Variants in RANBP17 observed in about 807,000 individuals in gnomAD.
The protein encoded by RANBP17 is RAN binding protein 17, also known as ran-binding protein 17.
In RANBP17, 158 loss-of-function variants were observed where a neutral mutation model predicts 141.2. That is an observed-to-expected ratio of 1.12 (90% CI 0.98 to 1.28). The LOEUF (loss-of-function observed/expected upper bound fraction) is 1.28, where lower values mean the gene tolerates loss of function less well. RANBP17 is among the 50% of genes most tolerant of loss of function. RANBP17 has a pLI of 0.00. For synonymous variants in RANBP17, 430 were observed against 450.0 expected (o/e 0.96, Z 0.56); for missense variants, 1,438 against 1,290.7 (o/e 1.11, Z -1.75).
intron 27 of RANBP17, among the ~76,000 whole-genome samples, chr5:171,298,277 A>G (rs558579794): frequency 3.3e-5 from 5 of 152,306 alleles, no homozygotes; most frequent in African/African-American, 1.2e-4. Context: ...ATTTGAACCC[A>G]GGTAGTCTAA....
At chr5:170,904,174 G>C (rs942848899) in intron 5 of RANBP17, 2 of 321,444 alleles carry the variant, frequency 6.2e-6, no homozygotes, top group Non-Finnish European at 1.2e-5. Flanking sequence ...AATCAAGAAG[G>C]CTAGACCAGC....
intron 14 of RANBP17, among the ~76,000 whole-genome samples, chr5:171,068,133 C>G (rs149206939): frequency 3.0e-3 from 461 of 152,142 alleles, no homozygotes; most frequent in African/African-American, 0.01. Context: ...TTCACTGATT[C>G]TTTCTTCTGG....
intron 14 of RANBP17, among the ~76,000 whole-genome samples, chr5:171,130,431 C>CTTTTTTTTTTTTTTTT (rs72051535): frequency 4.4e-5 from 4 of 90,018 alleles, no homozygotes; most frequent in Non-Finnish European, 7.9e-5. Flanking sequence ...TTTAAAAAGA[C>CTTTTTTTTTTTTTTTT]TTTTTTTTTT....
At chr5:170,977,200 T>G (rs986602313) in intron 14 of RANBP17, among the ~76,000 whole-genome samples, 1 of 151,894 alleles carries the variant, frequency 6.6e-6, no homozygotes, top group Non-Finnish European at 1.5e-5. Flanking sequence ...AACAGACATT[T>G]CTCCAAAGAA....
intron 24 of RANBP17, chr5:171,252,200 A>G: frequency 1.3e-6 from 2 of 1,579,026 alleles, no homozygotes; most frequent in South Asian, 2.3e-5. Flanking sequence ...GAATTCTTAA[A>G]TTACCTACTA....
intron 1 of RANBP17, chr5:170,867,064 C>G (rs549044634): frequency 9.8e-5 from 15 of 152,344 alleles, no homozygotes; most frequent in African/African-American, 2.6e-4. Flanking sequence ...GGTCAAAACT[C>G]TAGTGCTGAT....
At chr5:170,909,513 C>T (rs1771346403) in intron 5 of RANBP17, 148 bp from the exon 6 acceptor site, 1 of 546,686 alleles carries the variant, frequency 1.8e-6, no homozygotes, top group Non-Finnish European at 3.2e-6. Context: ...GGGATCAGTA[C>T]GGGTTGTAGG....
At chr5:171,178,265 T>C (rs976628688) in intron 16 of RANBP17, among the ~76,000 whole-genome samples, 13 of 146,838 alleles carry the variant, frequency 8.9e-5, no homozygotes, top group African/African-American at 2.3e-4. Flanking sequence ...AGTGAGAACA[T>C]GTGGTGTTTG....
In RANBP17 at chr5:170,968,328, A is replaced by G; in HGVS notation, c.1661A>G (p.Asp554Gly). Residue 554 changes from aspartate to glycine, a missense_variant, in exon 14 of 28, where the codon GAT becomes GGT. By Grantham distance (94) the Asp-to-Gly change is moderately conservative. Transcript: ENST00000523189. Reference sequence around the variant, plus strand: ...GAGCTTGCAATTCTGTGGTTCTTGGATCAGTTTCGTAAAACATATGTTGGT... The same window carrying G: ...GAGCTTGCAATTCTGTGGTTCTTGGGTCAGTTTCGTAAAACATATGTTGGT... ...KIELAILWFL[D>G]QFRKTYVGDQ... 6.2e-7 allele frequency: 1 copy of G among 1,609,560 alleles called. No individual in the cohort carries two copies. Among genetic ancestry groups the G allele is most frequent in the South Asian group, 1.1e-5 (1 of 90,226 alleles).
intron 18 of RANBP17, among the ~76,000 whole-genome samples, chr5:171,186,526 CTTTTTTTTTT>C (rs757585137): frequency 3.6e-4 from 15 of 41,666 alleles, no homozygotes; most frequent in East Asian, 2.7e-3. Flanking sequence ...GTATGATTTT[CTTTTTTTTTT>C]TTTTTTTTTT....
intron 14 of RANBP17, among the ~76,000 whole-genome samples, chr5:171,123,460 G>T (rs949184939): frequency 6.6e-6 from 1 of 152,160 alleles, no homozygotes; most frequent in African/African-American, 2.4e-5. Flanking sequence ...AAGTTAGGTG[G>T]TTGCCCTTCC....
At position 170,909,789 on chromosome 5, in the gene RANBP17, TC is replaced by T. The variant is rs753408942; in HGVS notation, c.594+26del. 2.6e-6 allele frequency: 3 copies of T among 1,136,040 alleles called. No homozygotes were observed. The South Asian group carries it at 3.9e-5, about 15-fold the overall frequency. 70.4% of individuals were successfully genotyped at this position (1,136,040 alleles called of 1,614,324 possible). ...AGGTAAGTTATTTGATAATTCAACT[TC>T]CTAGTTAGAATATTTGGGAAATTTT... On this transcript the variant is annotated intron_variant, in intron 6 of 27. Coordinates refer to ENST00000523189, the MANE Select transcript of RANBP17 (RefSeq NM_022897.5).
chr5:171,207,288 A>G (rs1378495519), intron 20 of RANBP17: 3 of 152,358 alleles, frequency 2.0e-5, no homozygotes, highest in Non-Finnish European at 2.9e-5. Context: ...TTAACATTTC[A>G]TGTTTTTCTC....
intron 23 of RANBP17, among the ~76,000 whole-genome samples, chr5:171,242,024 G>A (rs905225313): frequency 6.7e-6 from 1 of 149,898 alleles, no homozygotes; most frequent in Non-Finnish European, 1.5e-5. Flanking sequence ...GGGTCTTGCT[G>A]TGTTGCCCAG....
intron 14 of RANBP17, among the ~76,000 whole-genome samples, chr5:171,009,670 T>C (rs1216536568): frequency 9.1e-6 from 1 of 110,004 alleles, no homozygotes; most frequent in Non-Finnish European, 2.2e-5. Flanking sequence ...TTTGAAAAAT[T>C]TTTTGAATCA....
At chr5:170,951,388 A>G in intron 12 of RANBP17, among the ~76,000 whole-genome samples, 1 of 152,266 alleles carries the variant, frequency 6.6e-6, no homozygotes, top group East Asian at 1.9e-4. Flanking sequence ...GATCTATACA[A>G]ACAATGGAAT....
At chr5:170,951,504 T>C (rs906149427) in intron 12 of RANBP17, among the ~76,000 whole-genome samples, 3 of 152,156 alleles carry the variant, frequency 2.0e-5, no homozygotes, top group African/African-American at 4.8e-5. Flanking sequence ...CACTCACTTA[T>C]TGTATGATTC....
intron 14 of RANBP17, among the ~76,000 whole-genome samples, chr5:171,083,245 T>A (rs976286126): frequency 2.6e-5 from 4 of 152,136 alleles, no homozygotes; most frequent in Admixed American, 6.5e-5. Context: ...GTGGGACCTT[T>A]AAGAGGTAAT....
intron 22 of RANBP17, among the ~76,000 whole-genome samples, chr5:171,232,806 A>G (rs1357983974): frequency 6.6e-6 from 1 of 152,024 alleles, no homozygotes; most frequent in Non-Finnish European, 1.5e-5. Flanking sequence ...ATATAAATCT[A>G]CCTCATCTTT....
Sources: gnomAD v4.1 joint callset for allele counts (sites outside exome capture counted in the v4.1 genomes callset) on GRCh38, gnomAD v4.1.1 for gene constraint, MANE v1.5 for transcripts, NCBI Gene and HGNC (gene_info 2026-07-23, HGNC 2026-07-21) for gene names.